Variants in NKPD1 observed in about 807,000 individuals in gnomAD.
The protein encoded by NKPD1 is NTPase KAP family P-loop domain containing 1.
NKPD1 carries 37 observed loss-of-function variants against 42.2 expected under a neutral mutation model. That is an observed-to-expected ratio of 0.88 (90% CI 0.67 to 1.15). The LOEUF (loss-of-function observed/expected upper bound fraction) is 1.15. Among genes scored for constraint, NKPD1 ranks in the 50% most tolerant of loss-of-function variants. The probability of loss-of-function intolerance (pLI) is 0.00; values close to 1 mark genes in which losing one functional copy is unlikely to be tolerated. For missense variants in NKPD1, 1,113 were observed against 1,174.6 expected (o/e 0.95, Z 0.77); for synonymous variants, 552 against 536.5 (o/e 1.03, Z -0.40).
Position 45,153,472 on chromosome 19 carries a change from T to C in NKPD1, c.965A>G (p.Lys322Arg), listed in dbSNP as rs1308489015. ...GCAGCAGTCCTGCCTGGTGGCCGGC[T>C]TGTTGCCCAGCACCGAGTACACGCT... ...PFSVYSVLGN[K>R]PATRQDCCQS... The change falls in exon 5 of 5, where the codon AAG becomes AGG. Residue 322 changes from lysine (K) to arginine (R), a missense_variant. This residue lies in a region of NKPD1 where 867 missense variants were observed against 870.1 expected (regional missense o/e 1.00). Coordinates refer to ENST00000686631, the MANE Select transcript of NKPD1 (RefSeq NM_198478.4). The C allele has an allele frequency of 1.3e-6, 2 of 1,552,472 alleles. No individual in the cohort carries two copies. The highest frequency in any genetic ancestry group is 2.7e-5 in the African/African-American group (2 of 73,858).
At chr19:45,154,800 G>A (rs571920610) in intron 4 of NKPD1, among the ~76,000 whole-genome samples, 1 of 152,200 alleles carries the variant, frequency 6.6e-6, no homozygotes, top group African/African-American at 2.4e-5. Context: ...CGAGGTGGGC[G>A]GATCACATGA....
Position 45,151,964 on chromosome 19 carries a change from C to G in NKPD1, c.2473G>C (p.Gly825Arg), listed in dbSNP as rs1405117443. The part of the protein sequence containing the change: ...WPVACALFRP[G>R]QSSPGGP The stretch of plus-strand genomic sequence containing the variant: ...TAAGGCCCACCTGGGCTGGATTGCC[C>G]TGGACGGAAGAGCGCACAGGCCACC... The change falls in exon 5 of 5, where the codon GGG becomes CGG. Residue 825 changes from glycine to arginine, a missense_variant. Gly to Arg is a moderately radical substitution (Grantham distance 125). Coordinates refer to ENST00000686631, the MANE Select transcript of NKPD1 (RefSeq NM_198478.4). The G allele has an allele frequency of 6.3e-7, 1 of 1,590,208 alleles. No individual in the cohort carries two copies. The highest frequency in any genetic ancestry group is 8.6e-7 in the Non-Finnish European group (1 of 1,165,172).
rs746361216 is a variant in NKPD1, at chr19:45,152,262, C to T, written c.2175G>A (p.Leu725=). 5.6e-6 allele frequency: 9 copies of T among 1,609,444 alleles called. No homozygotes were observed. The East Asian group carries it at 2.0e-4, about 36-fold the overall frequency. ...DGDPELFERF[L]GADFPFTVAE... is the part of the protein sequence containing the mutation. Reference sequence around the variant, plus strand: ...CCACGGTGAAGGGGAAGTCGGCGCCCAGGAAGCGCTCGAAGAGCTCGGGGT... The same window carrying T: ...CCACGGTGAAGGGGAAGTCGGCGCCTAGGAAGCGCTCGAAGAGCTCGGGGT... The change falls in exon 5 of 5, where the codon CTG becomes CTA. Residue 725 remains leucine, a synonymous_variant. Coordinates refer to ENST00000686631, the MANE Select transcript of NKPD1 (RefSeq NM_198478.4).
chr19:45,153,699 G>T lies in NKPD1; in HGVS notation c.738C>A (p.Ser246Arg), dbSNP rs768313896. Residue 246 changes from serine to arginine, a missense_variant, in exon 5 of 5, where the codon AGC becomes AGA. Around this residue, in one of 3 missense-constraint regions of NKPD1, gnomAD observed 867 missense variants for 870.1 expected, o/e 1.00. Coordinates refer to ENST00000686631, the MANE Select transcript of NKPD1 (RefSeq NM_198478.4). ...QHVQWRPRAV[S>R]GWGVPQLLWY... Reference sequence around the variant, plus strand: ...ACAGTAGCTGCGGGACGCCCCAGCCGCTCACGGCACGCGGCCGCCACTGCA... The same window carrying T: ...ACAGTAGCTGCGGGACGCCCCAGCCTCTCACGGCACGCGGCCGCCACTGCA... The T allele has an allele frequency of 3.8e-5, 58 of 1,542,760 alleles. No homozygotes were observed. Among genetic ancestry groups the T allele is most frequent in the Non-Finnish European group, 5.1e-5 (58 of 1,141,536 alleles).
rs1269838036 is a variant in NKPD1 at position 45,153,486 on chromosome 19, C to T, written c.951G>A (p.Ser317=). 4.5e-6 allele frequency: 7 copies of T among 1,556,058 alleles called. No homozygotes were observed. The Admixed American group carries it at 5.8e-5, about 13-fold the overall frequency. ...HYGALPFSVY[S]VLGNKPATRQ... ...TGGTGGCCGGCTTGTTGCCCAGCAC[C>T]GAGTACACGCTGAAGGGCAGTGCGC... The change falls in exon 5 of 5, where the codon TCG becomes TCA. Residue 317 remains serine, a synonymous_variant. Transcript: ENST00000686631.
chr19:45,160,243 G>A (rs1968981612), intron 1 of NKPD1, 22 bp from the exon 2 acceptor site: 4 of 718,400 alleles, frequency 5.6e-6, no homozygotes, highest in South Asian at 4.9e-5. Context: ...ACAGCAGAGA[G>A]CTGAGGTCAG....
At position 45,155,866 on chromosome 19, in the gene NKPD1, A is replaced by G. The variant is rs745948556; in HGVS notation, c.580T>C (p.Cys194Arg). ...VYCSCLAKTL[C>R]HVPVPVTVGF... ...ACGGTCACAGGGACCGGCACGTGGC[A>G]GAGTGTCTTGGCCAGGCAGCTGCAG... The change falls in exon 4 of 5, where the codon TGC (cysteine) becomes CGC (arginine). Residue 194 changes from cysteine (C) to arginine (R), a missense_variant. By Grantham distance (180) the Cys-to-Arg change is radical. Coordinates refer to ENST00000686631, the MANE Select transcript of NKPD1 (RefSeq NM_198478.4). 7 of 1,305,274 alleles carry G rather than the reference A, an allele frequency of 5.4e-6. No homozygotes were observed. Among genetic ancestry groups the G allele is most frequent in the East Asian group, 1.1e-4 (2 of 18,052 alleles). 80.9% of individuals were successfully genotyped at this position (1,305,274 alleles called of 1,614,324 possible).
chr19:45,159,032 G>A lies in NKPD1; in HGVS notation c.160C>T (p.Gln54Ter). 7.7e-7 allele frequency: 1 copy of A among 1,301,328 alleles called. No homozygotes were observed. The allele number at this position is 1,301,328 out of a possible 1,614,324, so 80.6% of individuals were successfully genotyped here. The change falls in exon 3 of 5, where the codon CAA becomes TAA. Residue 54 changes from glutamine to a stop codon, truncating the protein, a stop_gained. Transcript: ENST00000686631. LOFTEE classifies it high-confidence loss of function. ...RAHGPCRPSP[Q>*]SHWQLAYHSH... ...TGGTAGGCCAGCTGCCAGTGTGATT[G>A]GGGGGAAGGCCGACAGGGCCCATGG...
In NKPD1 at chr19:45,152,162, C is replaced by T; in HGVS notation, c.2275G>A (p.Ala759Thr). 1 of 1,596,902 alleles carries T rather than the reference C, an allele frequency of 6.3e-7. No individual in the cohort carries two copies. The change falls in exon 5 of 5, where the codon GCC becomes ACC. Residue 759 changes from alanine to threonine, a missense_variant. By Grantham distance (58) the Ala-to-Thr change is moderately conservative. This residue lies in a region of NKPD1 where 867 missense variants were observed against 870.1 expected (regional missense o/e 1.00). Transcript: ENST00000686631. ...CTGGGCGGCTTGAGCGCGCTGACGG[C>T]TCGGATGAGACCCATGCGCCGGCGG... ...SIRRRMGLIRAVSALKPPSPP... is the reference protein window; with the variant it reads ...SIRRRMGLIRTVSALKPPSPP...
At chr19:45,156,002 C>G in intron 3 of NKPD1, 86 bp from the exon 4 acceptor site, 1 of 1,209,880 alleles carries the variant, frequency 8.3e-7, no homozygotes, top group Middle Eastern at 2.6e-4. Flanking sequence ...CCCCCACTAT[C>G]AGCCCCTTCC....
intron 2 of NKPD1, 132 bp from the exon 3 acceptor site, chr19:45,159,232 A>C: frequency 1.7e-5 from 15 of 862,412 alleles, no homozygotes; most frequent in Non-Finnish European, 2.1e-5. Flanking sequence ...ACCCCTCAAA[A>C]AGTAAGATTA....
rs2073406942 is a variant in NKPD1 at position 45,150,253 on chromosome 19, C to T, written c.*1685G>A. ...TACAGGCATGCACCACCATGCCCAG[C>T]TAATCTTTTTGTATTTTTATTAGAG... is the stretch of plus-strand genomic sequence containing the variant. On this transcript the variant is annotated 3_prime_UTR_variant, in exon 5 of 5. Coordinates refer to ENST00000686631, the MANE Select transcript of NKPD1 (RefSeq NM_198478.4). The T allele has an allele frequency of 6.6e-6, 1 of 152,176 alleles. No homozygotes were observed. The highest frequency in any genetic ancestry group is 2.4e-5 in the African/African-American group (1 of 41,418). The allele number at this position is 152,176 out of a possible 1,614,324, so 9.4% of individuals were successfully genotyped here. A position where few individuals can be genotyped will look rare whatever the true frequency, so the allele number is the denominator to read the frequency against.
chr19:45,158,808 G>A lies in NKPD1; in HGVS notation c.384C>T (p.Thr128=). Residue 128 remains threonine, a synonymous_variant, in exon 3 of 5, where the codon ACC becomes ACT. Coordinates refer to ENST00000686631, the MANE Select transcript of NKPD1 (RefSeq NM_198478.4). The surrounding 1 kb of genome is among the most constrained non-coding windows in gnomAD (Gnocchi z 4.6). ...KEPASAPQAP[T]LPTTAPAMAR... is the part of the protein sequence containing the mutation. ...CCATGGCTGGTGCCGTGGTGGGTAA[G>A]GTGGGCGCCTGAGGGGCGCTGGCAG... 1 of 1,268,062 alleles carries A rather than the reference G, an allele frequency of 7.9e-7. No individual in the cohort carries two copies. The highest frequency in any genetic ancestry group is 1.3e-5 in the South Asian group (1 of 76,416). The allele number at this position is 1,268,062 out of a possible 1,614,324, so 78.6% of individuals were successfully genotyped here.
At chr19:45,154,082 G>C (rs74402135) in intron 4 of NKPD1, among the ~76,000 whole-genome samples, 14,306 of 152,282 alleles carry the variant, frequency 0.094, 869 homozygotes, top group Non-Finnish European at 0.13. Context: ...GGAAGAGCCA[G>C]GGATGGGCAA....
rs1453396997 is a variant in NKPD1 at position 45,151,667 on chromosome 19, G to A, written c.*271C>T. Reference sequence around the variant, plus strand: ...CTGGTCCCTGGTCAGATCAGGATGCGGAGAGCAACTCCGGGCTCTCAACAC... The same window carrying A: ...CTGGTCCCTGGTCAGATCAGGATGCAGAGAGCAACTCCGGGCTCTCAACAC... On this transcript the variant is annotated 3_prime_UTR_variant, in exon 5 of 5. Coordinates refer to ENST00000686631, the MANE Select transcript of NKPD1 (RefSeq NM_198478.4). The A allele has an allele frequency of 4.8e-6, 2 of 418,570 alleles. No individual in the cohort carries two copies. The highest frequency in any genetic ancestry group is 4.2e-6 in the Non-Finnish European group (1 of 236,770). 25.9% of individuals were successfully genotyped at this position (418,570 alleles called of 1,614,324 possible).
rs1250324038 is a variant in NKPD1, at chr19:45,153,563, G to C, written c.874C>G (p.Leu292Val). 1 of 1,554,618 alleles carries C rather than the reference G, an allele frequency of 6.4e-7. No homozygotes were observed. The highest frequency in any genetic ancestry group is 8.7e-7 in the Non-Finnish European group (1 of 1,146,748). The change falls in exon 5 of 5, where the codon CTG becomes GTG. Residue 292 changes from leucine to valine, a missense_variant. Coordinates refer to ENST00000686631, the MANE Select transcript of NKPD1 (RefSeq NM_198478.4). ...SAWQYAGTDKLWAGLVTTLCE... is the reference protein window; with the variant it reads ...SAWQYAGTDKVWAGLVTTLCE... ...AACGTGGTCACCAGGCCGGCCCACAGCTTGTCGGTGCCCGCGTACTGCCAG... is the reference window on the plus strand; with the variant it reads ...AACGTGGTCACCAGGCCGGCCCACACCTTGTCGGTGCCCGCGTACTGCCAG...
intron 4 of NKPD1, 189 bp from the exon 5 acceptor site, chr19:45,153,964 T>G (rs1968854615): frequency 1.9e-6 from 1 of 539,134 alleles, no homozygotes. Context: ...TGGAGAGGCC[T>G]GGAGCCGGGC....
In NKPD1 at chr19:45,158,386, G is replaced by A. The variant is rs1017238355; in HGVS notation, c.529+277C>T. 4.6e-5 allele frequency among the ~76,000 whole-genome samples: 7 copies of A among 152,260 alleles called. No individual in the cohort carries two copies. Among genetic ancestry groups the A allele is most frequent in the South Asian group, 2.1e-4 (1 of 4,836 alleles). ...GAAGAGACCAGAGCAGAGCCAGGGT[G>A]TCGGCAGAGGGAAAGGGGGAAGGAG... On this transcript the variant is annotated intron_variant, in intron 3 of 4. Coordinates refer to ENST00000686631, the MANE Select transcript of NKPD1 (RefSeq NM_198478.4). This position sits in a 1 kb window ranked among gnomAD's most constrained non-coding sequence, Gnocchi z 4.6.
chr19:45,157,397 C>G (rs1968923372), intron 3 of NKPD1, among the ~76,000 whole-genome samples: 1 of 152,170 alleles, frequency 6.6e-6, no homozygotes, highest in Non-Finnish European at 1.5e-5. Context: ...TTATTTTTAC[C>G]TAGTGTGGTT....
Sources: gnomAD v4.1 joint callset for allele counts (sites outside exome capture counted in the v4.1 genomes callset) on GRCh38, gnomAD v4.1.1 for gene constraint, gnomAD v4.1.1 regional missense constraint, Gnocchi (gnomAD v3.1) non-coding constraint, MANE v1.5 for transcripts, NCBI Gene and HGNC (gene_info 2026-07-23, HGNC 2026-07-21) for gene names.